Variants in CPEB3 observed in about 807,000 individuals in gnomAD.
The protein encoded by CPEB3 is cytoplasmic polyadenylation element binding protein 3, also known as cytoplasmic polyadenylation element-binding protein 3.
In CPEB3, 20 loss-of-function variants were observed where a neutral mutation model predicts 67.2. The observed-to-expected ratio is 0.30, with a 90% CI of 0.21 to 0.43. The LOEUF (loss-of-function observed/expected upper bound fraction) is 0.43. CPEB3 is among the 20% of genes least tolerant of loss of function. CPEB3 has a pLI of 1.00. For synonymous variants in CPEB3, 376 were observed against 393.1 expected (o/e 0.96, Z 0.51); for missense variants, 746 against 968.6 (o/e 0.77, Z 3.05).
At chr10:92,116,985 T>C (rs761167736) in intron 6 of CPEB3, among the ~76,000 whole-genome samples, 1 of 152,234 alleles carries the variant, frequency 6.6e-6, no homozygotes, top group Non-Finnish European at 1.5e-5. Context: ...TTCCATTTCA[T>C]TGGCCAGGTG....
At chr10:92,288,385 CT>C (rs1179887002) in intron 1 of CPEB3, among the ~76,000 whole-genome samples, 5 of 150,338 alleles carry the variant, frequency 3.3e-5, no homozygotes, top group Non-Finnish European at 5.9e-5. Context: ...GCTTGAGCCC[CT>C]GAGGCTGAGG....
chr10:92,221,023 T>C (rs985694439), intron 2 of CPEB3, among the ~76,000 whole-genome samples: 1 of 152,154 alleles, frequency 6.6e-6, no homozygotes, highest in Non-Finnish European at 1.5e-5. Flanking sequence ...CTCCTTTCAT[T>C]AGGTTACAAT....
Position 92,240,226 on chromosome 10 carries a change from G to C in CPEB3, c.125C>G (p.Ser42Ter). The C allele has an allele frequency of 6.6e-7, 1 of 1,507,766 alleles. No homozygotes were observed. The highest frequency in any genetic ancestry group is 8.9e-7 in the Non-Finnish European group (1 of 1,126,288). The allele number at this position is 1,507,766 out of a possible 1,614,324, so 93.4% of individuals were successfully genotyped here. Residue 42 changes from serine (S) to a stop codon, truncating the protein, a stop_gained, in exon 2 of 10, where the codon TCA (serine) becomes TGA (stop). Transcript: ENST00000265997. LOFTEE classifies it high-confidence loss of function. ...VSEAPSTPLS[S>*]ETPKPEENSA... is the part of the protein sequence containing the mutation. ...GTTTTCCTCCGGCTTGGGGGTCTCT[G>C]AGGAGAGGGGCGTGGACGGGGCTTC...
chr10:92,266,579 T>C (rs912780419), intron 1 of CPEB3, among the ~76,000 whole-genome samples: 4 of 151,478 alleles, frequency 2.6e-5, no homozygotes. Context: ...TACTCAAAAG[T>C]AGTAAACCAA....
At chr10:92,140,271 G>T (rs1231393023) in intron 6 of CPEB3, among the ~76,000 whole-genome samples, 3 of 152,024 alleles carry the variant, frequency 2.0e-5, no homozygotes, top group South Asian at 2.1e-4. Context: ...ATGGTACTGG[G>T]ACCAAAACAG....
intron 2 of CPEB3, among the ~76,000 whole-genome samples, chr10:92,197,368 A>G (rs1849292532): frequency 6.6e-6 from 1 of 152,230 alleles, no homozygotes; most frequent in African/African-American, 2.4e-5. Context: ...AGGATAGAAA[A>G]AAACAGAAAA....
At chr10:92,088,390 C>A (rs573798111) in intron 8 of CPEB3, among the ~76,000 whole-genome samples, 6 of 152,102 alleles carry the variant, frequency 3.9e-5, no homozygotes, top group African/African-American at 9.6e-5. Context: ...TCATGCCTGG[C>A]TAATTTTTGT....
At chr10:92,135,711 C>T (rs766299360) in intron 6 of CPEB3, among the ~76,000 whole-genome samples, 25 of 152,102 alleles carry the variant, frequency 1.6e-4, no homozygotes, top group Non-Finnish European at 2.8e-4. Context: ...CACATGCATA[C>T]GTATGTTTAT....
intron 2 of CPEB3, among the ~76,000 whole-genome samples, chr10:92,219,434 TA>T (rs1336944906): frequency 1.3e-5 from 2 of 152,208 alleles, no homozygotes; most frequent in African/African-American, 4.8e-5. Context: ...AACCCCCTTG[TA>T]TGCTTCAACC....
At chr10:92,129,253 A>C (rs1845732697) in intron 6 of CPEB3, among the ~76,000 whole-genome samples, 1 of 152,130 alleles carries the variant, frequency 6.6e-6, no homozygotes, top group African/African-American at 2.4e-5. Flanking sequence ...ACCAAATACC[A>C]CATGTTCTCA....
At chr10:92,109,518 C>T (rs896092641) in intron 7 of CPEB3, among the ~76,000 whole-genome samples, 5 of 152,098 alleles carry the variant, frequency 3.3e-5, no homozygotes, top group Non-Finnish European at 5.9e-5. Context: ...TCCCAAAGTG[C>T]TGGGATTACA....
At chr10:92,161,936 C>T (rs1046925057) in intron 4 of CPEB3, among the ~76,000 whole-genome samples, 2 of 152,226 alleles carry the variant, frequency 1.3e-5, no homozygotes, top group Admixed American at 1.3e-4. Context: ...GCTGGGATTA[C>T]AGGCATGAGC....
intron 2 of CPEB3, among the ~76,000 whole-genome samples, chr10:92,234,344 A>G (rs554104376): frequency 2.2e-4 from 34 of 152,342 alleles, no homozygotes; most frequent in African/African-American, 8.2e-4. Flanking sequence ...AGAAAAAATT[A>G]TAACCGATGA....
intron 8 of CPEB3, among the ~76,000 whole-genome samples, chr10:92,083,714 T>C (rs1377565916): frequency 6.6e-6 from 1 of 152,192 alleles, no homozygotes; most frequent in Non-Finnish European, 1.5e-5. Flanking sequence ...GCCTGGTGAA[T>C]GGCCAGGAAA....
At chr10:92,238,441 G>A (rs986081216) in intron 2 of CPEB3, among the ~76,000 whole-genome samples, 21 of 152,088 alleles carry the variant, frequency 1.4e-4, no homozygotes, top group Non-Finnish European at 2.5e-4. Context: ...CCAAGACACA[G>A]GACTCATTTT....
intron 2 of CPEB3, among the ~76,000 whole-genome samples, chr10:92,201,383 C>G (rs956421286): frequency 6.6e-6 from 1 of 152,136 alleles, no homozygotes; most frequent in African/African-American, 2.4e-5. Flanking sequence ...TAAAAATTAG[C>G]CGGGCATAGT....
intron 9 of CPEB3, among the ~76,000 whole-genome samples, chr10:92,053,745 G>A (rs965120869): frequency 1.3e-5 from 2 of 152,130 alleles, no homozygotes; most frequent in Admixed American, 6.5e-5. Context: ...GTTTCACTGT[G>A]TTAGCCAGGA....
intron 1 of CPEB3, among the ~76,000 whole-genome samples, chr10:92,242,683 A>C (rs1285084528): frequency 6.6e-6 from 1 of 152,190 alleles, no homozygotes; most frequent in African/African-American, 2.4e-5. Context: ...CATGCTCTTC[A>C]TGGAAAAATT....
intron 4 of CPEB3, 138 bp from the exon 5 acceptor site, chr10:92,145,223 G>T: frequency 1.1e-6 from 1 of 884,094 alleles, no homozygotes; most frequent in Non-Finnish European, 1.7e-6. Flanking sequence ...GGTGTCCTGA[G>T]CTGTGGCTTT....
Sources: allele counts gnomAD v4.1 joint callset (sites outside exome capture counted in the v4.1 genomes callset), GRCh38; gene constraint gnomAD v4.1.1; transcripts MANE v1.5; gene names NCBI Gene and HGNC (gene_info 2026-07-23, HGNC 2026-07-21).